PTGIS: variants seen among roughly 807,000 people sequenced by gnomAD.
The protein encoded by PTGIS is prostacyclin synthase.
A neutral mutation model predicts 50.3 loss-of-function variants in PTGIS; 45 were observed. That is an observed-to-expected ratio of 0.90 (90% CI 0.70 to 1.15). PTGIS has a LOEUF of 1.15. PTGIS is among the 50% of genes most tolerant of loss of function. The pLI is 0.00. For synonymous variants in PTGIS, 260 were observed against 267.7 expected, an observed-to-expected ratio of 0.97 and a Z score of 0.28; for missense variants, 668 against 661.3, an observed-to-expected ratio of 1.01 and a Z score of -0.11.
Position 49,505,191 on chromosome 20 carries a change from A to AAAGT in PTGIS, c.*2728_*2729insACTT, listed in dbSNP as rs1016688606. On this transcript the variant is annotated 3_prime_UTR_variant, in exon 10 of 10. Coordinates refer to ENST00000244043, the MANE Select transcript of PTGIS (RefSeq NM_000961.4). ...CTTAAAAAGAAAGAAAGAAAGAAAG[A>AAAGT]GTATTCCTAACATATGTCCAGTAAT... is the stretch of plus-strand genomic sequence containing the variant. 1.3e-5 allele frequency: 2 copies of AAAGT among 152,110 alleles called. No homozygotes were observed. Among genetic ancestry groups the AAAGT allele is most frequent in the African/African-American group, 4.8e-5 (2 of 41,422 alleles). The allele number at this position is 152,110 out of a possible 1,614,324, so 9.4% of individuals were successfully genotyped here. A position where few individuals can be genotyped will look rare whatever the true frequency, so the allele number is the denominator to read the frequency against.
chr20:49,514,819 G>A (rs113044142), intron 6 of PTGIS, among the ~76,000 whole-genome samples: 1 of 152,212 alleles, frequency 6.6e-6, no homozygotes, highest in Non-Finnish European at 1.5e-5. Flanking sequence ...TCAAGAGCCA[G>A]AGCGTATTTC....
chr20:49,520,273 G>A (rs781619033), intron 6 of PTGIS, among the ~76,000 whole-genome samples: 13 of 151,942 alleles, frequency 8.6e-5, no homozygotes, highest in Non-Finnish European at 1.8e-4. Flanking sequence ...ACCTTTCAGT[G>A]AGGCCTTCCT....
At chr20:49,538,886 T>C (rs1285772667) in intron 5 of PTGIS, among the ~76,000 whole-genome samples, 1 of 152,044 alleles carries the variant, frequency 6.6e-6, no homozygotes, top group Admixed American at 6.6e-5. Flanking sequence ...TTCACCATGT[T>C]GACCAGGCTG....
intron 8 of PTGIS, among the ~76,000 whole-genome samples, chr20:49,512,663 T>C (rs73263216): frequency 0.017 from 2,585 of 152,218 alleles, 65 homozygotes; most frequent in African/African-American, 0.059. Flanking sequence ...ATTATAACAA[T>C]CTGAAATAAG....
rs1259987133 is a variant in PTGIS, at chr20:49,504,452, T to C, written c.*3468A>G. The C allele has an allele frequency of 1.3e-5, 2 of 152,170 alleles. No individual in the cohort carries two copies. Among genetic ancestry groups the C allele is most frequent in the Non-Finnish European group, 2.9e-5 (2 of 68,046 alleles). 9.4% of individuals were successfully genotyped at this position (152,170 alleles called of 1,614,324 possible). A position where few individuals can be genotyped will look rare whatever the true frequency, so the allele number is the denominator to read the frequency against. On this transcript the variant is annotated 3_prime_UTR_variant, in exon 10 of 10. Coordinates refer to ENST00000244043, the MANE Select transcript of PTGIS (RefSeq NM_000961.4). Reference sequence around the variant, plus strand: ...GGCTCATGCCTGTAATCCTAGCACTTTGGGAGGCCCAGGCAGGCAAATCAC... The same window carrying C: ...GGCTCATGCCTGTAATCCTAGCACTCTGGGAGGCCCAGGCAGGCAAATCAC...
chr20:49,520,518 G>C (rs1001598181), intron 6 of PTGIS, among the ~76,000 whole-genome samples: 4 of 152,044 alleles, frequency 2.6e-5, no homozygotes, highest in Non-Finnish European at 5.9e-5. Context: ...ATTTTTAGTA[G>C]AGTCAGGGTT....
chr20:49,511,403 T>A (rs1419055236), intron 8 of PTGIS, among the ~76,000 whole-genome samples: 2 of 152,192 alleles, frequency 1.3e-5, no homozygotes, highest in African/African-American at 2.4e-5. Context: ...AAAAAGCAAG[T>A]TTCAGAATAG....
At chr20:49,520,055 C>T (rs1257261793) in intron 6 of PTGIS, among the ~76,000 whole-genome samples, 1 of 151,980 alleles carries the variant, frequency 6.6e-6, no homozygotes, top group African/African-American at 2.4e-5. Flanking sequence ...CAGAGCCCTA[C>T]AGCAGGCACC....
intron 9 of PTGIS, 66 bp from the exon 10 acceptor site, chr20:49,508,130 C>T (rs1981206036): frequency 6.3e-7 from 1 of 1,583,678 alleles, no homozygotes; most frequent in Non-Finnish European, 8.6e-7. Context: ...GGGAACAAGG[C>T]AGGGGAGCCA....
chr20:49,560,630 A>G (rs930912918), intron 1 of PTGIS, among the ~76,000 whole-genome samples: 1 of 152,242 alleles, frequency 6.6e-6, no homozygotes, highest in African/African-American at 2.4e-5. Flanking sequence ...AGGAGATGCC[A>G]CGTGAGCAAA....
At chr20:49,510,953 A>T (rs915951898) in intron 9 of PTGIS, 75 bp downstream of exon 9, 29 of 1,400,248 alleles carry the variant, frequency 2.1e-5, no homozygotes, top group Non-Finnish European at 2.8e-5. Flanking sequence ...CTGAGCCCTC[A>T]GTCCCAGGAG....
chr20:49,520,695 C>T (rs1477987109), intron 6 of PTGIS, among the ~76,000 whole-genome samples: 1 of 152,118 alleles, frequency 6.6e-6, no homozygotes, highest in Non-Finnish European at 1.5e-5. Context: ...GAGACAGGGT[C>T]TCACTATGTC....
chr20:49,520,813 C>T (rs538930257), intron 6 of PTGIS, among the ~76,000 whole-genome samples: 2 of 152,088 alleles, frequency 1.3e-5, no homozygotes, highest in East Asian at 1.9e-4. Flanking sequence ...ACTACAGGTG[C>T]GCACCATCAC....
chr20:49,548,116 C>A, intron 2 of PTGIS, 97 bp from the exon 3 acceptor site: 2 of 1,130,414 alleles, frequency 1.8e-6, no homozygotes, highest in Non-Finnish European at 2.6e-6. Flanking sequence ...CACTGCCCCA[C>A]TGGACAGTAA....
chr20:49,513,302 C>A, intron 7 of PTGIS, 41 bp from the exon 8 acceptor site: 1 of 1,594,082 alleles, frequency 6.3e-7, no homozygotes, highest in East Asian at 2.3e-5. Flanking sequence ...CGGGCTATCC[C>A]TTCACCTGCT....
chr20:49,513,591 A>G (rs1981387161), intron 7 of PTGIS, among the ~76,000 whole-genome samples: 1 of 152,114 alleles, frequency 6.6e-6, no homozygotes, highest in South Asian at 2.1e-4. Context: ...TCTCTTCTGG[A>G]AACGGGCCCC....
intron 5 of PTGIS, among the ~76,000 whole-genome samples, chr20:49,535,306 T>A (rs1982040366): frequency 6.6e-6 from 1 of 152,110 alleles, no homozygotes; most frequent in South Asian, 2.1e-4. Context: ...CAGATAAAAA[T>A]TTTAATGTAT....
At chr20:49,523,936 T>G in intron 6 of PTGIS, 122 bp downstream of exon 6, 2 of 1,235,234 alleles carry the variant, frequency 1.6e-6, no homozygotes, top group Non-Finnish European at 1.2e-6. Flanking sequence ...TACATACACA[T>G]GCACACACAG....
In PTGIS at chr20:49,511,032, T is replaced by A; in HGVS notation, c.1354A>T (p.Lys452Ter). The part of the protein sequence containing the change: ...LGRSYAVNSI[K>*]QFVFLVLVHL... ...CTGCCCTGGCCCCCCACTCACTGTT[T>A]GATGCTGTTGACCGCATAACTCCTC... Residue 452 changes from lysine (K) to a stop codon, truncating the protein, a stop_gained, in exon 9 of 10, where the codon AAA becomes TAA. Coordinates refer to ENST00000244043, the MANE Select transcript of PTGIS (RefSeq NM_000961.4). LOFTEE classifies it high-confidence loss of function. The A allele has an allele frequency of 6.2e-7, 1 of 1,613,234 alleles. No homozygotes were observed. Among genetic ancestry groups the A allele is most frequent in the East Asian group, 2.2e-5 (1 of 44,878 alleles).
Sources: gnomAD v4.1 joint callset for allele counts (sites outside exome capture counted in the v4.1 genomes callset) on GRCh38, gnomAD v4.1.1 for gene constraint, MANE v1.5 for transcripts, NCBI Gene and HGNC (gene_info 2026-07-23, HGNC 2026-07-21) for gene names.